WWOX: variants seen among roughly 807,000 people sequenced by gnomAD.
The protein encoded by WWOX is WW domain containing oxidoreductase.
A neutral mutation model predicts 46.2 loss-of-function variants in WWOX; 69 were observed. The ratio of observed to expected loss-of-function variants is 1.49; its 90% confidence interval spans 1.23 to 1.82. The LOEUF (loss-of-function observed/expected upper bound fraction) is 1.82. Among genes scored for constraint, WWOX ranks in the 40% most tolerant of loss-of-function variants. The probability of loss-of-function intolerance (pLI) is 0.00; values close to 1 mark genes in which losing one functional copy is unlikely to be tolerated. For missense variants in WWOX, 919 were observed against 542.6 expected (o/e 1.69, Z -6.89); for synonymous variants, 359 against 202.6 (o/e 1.77, Z -6.56).
At chr16:79,121,802 GC>G (rs1469447536) in intron 8 of WWOX, among the ~76,000 whole-genome samples, 1 of 152,060 alleles carries the variant, frequency 6.6e-6, no homozygotes, top group East Asian at 1.9e-4. Context: ...TTTAAAAGTG[GC>G]CACTCATCCC....
chr16:78,313,430 G>A (rs181863797), intron 5 of WWOX, among the ~76,000 whole-genome samples: 1 of 152,156 alleles, frequency 6.6e-6, no homozygotes, highest in African/African-American at 2.4e-5. Flanking sequence ...ACAGTGGTAC[G>A]ATCTTAGCTC....
intron 8 of WWOX, among the ~76,000 whole-genome samples, chr16:79,191,116 C>A (rs768267077): frequency 6.6e-6 from 1 of 152,134 alleles, no homozygotes; most frequent in African/African-American, 2.4e-5. Flanking sequence ...TGCAGTGGCA[C>A]AACCTTGGCT....
chr16:78,167,394 C>T (rs1443512993), intron 5 of WWOX: 1 of 152,170 alleles, frequency 6.6e-6, no homozygotes, highest in Non-Finnish European at 1.5e-5. Context: ...GAGTCAATTT[C>T]CGATGATAGA....
chr16:78,983,474 G>A (rs1299848879), intron 8 of WWOX, among the ~76,000 whole-genome samples: 1 of 152,150 alleles, frequency 6.6e-6, no homozygotes, highest in Non-Finnish European at 1.5e-5. Flanking sequence ...TTTTCTAATA[G>A]GAAAGACCAT....
chr16:78,547,346 G>A (rs1178718713), intron 8 of WWOX, among the ~76,000 whole-genome samples: 2 of 152,078 alleles, frequency 1.3e-5, no homozygotes, highest in African/African-American at 2.4e-5. Context: ...TGAAAAAAAT[G>A]AGGGACAGAG....
intron 8 of WWOX, among the ~76,000 whole-genome samples, chr16:79,011,416 A>G (rs2047305092): frequency 6.6e-6 from 1 of 151,428 alleles, no homozygotes; most frequent in South Asian, 2.1e-4. Flanking sequence ...ATTCCCTTGC[A>G]TTTGGTTTTC....
At chr16:78,332,239 T>C (rs1267753049) in intron 5 of WWOX, among the ~76,000 whole-genome samples, 1 of 152,198 alleles carries the variant, frequency 6.6e-6, no homozygotes, top group African/African-American at 2.4e-5. Context: ...AGAGACAGAA[T>C]CCCAGATCCC....
rs1208760857 is a variant in WWOX, at chr16:78,350,284, A to ATT, written c.517-36575_517-36574dup. On this transcript the variant is annotated intron_variant, in intron 5 of 8. Transcript: ENST00000566780. ...TTTGTAAATTTTCTCAAGCTACTTT[A>ATT]TTGATATATAACACAGATACATAAA... is the stretch of plus-strand genomic sequence containing the variant. Among the ~76,000 whole-genome samples, 12 of 121,792 alleles carry ATT rather than the reference A, an allele frequency of 9.9e-5. 3 individuals are homozygous for ATT. Among genetic ancestry groups the ATT allele is most frequent in the Non-Finnish European group, 2.4e-4 (12 of 50,888 alleles). The allele number at this position is 121,792 out of a possible 152,430, so 79.9% of individuals were successfully genotyped here.
chr16:78,825,641 G>T, intron 8 of WWOX: 1 of 518,102 alleles, frequency 1.9e-6, no homozygotes. Flanking sequence ...GCGATGGTGG[G>T]CTGTGGTTCA....
At chr16:78,644,689 C>G (rs966486704) in intron 8 of WWOX, among the ~76,000 whole-genome samples, 1 of 152,194 alleles carries the variant, frequency 6.6e-6, no homozygotes, top group Non-Finnish European at 1.5e-5. Flanking sequence ...TCTGGAACTC[C>G]TGAACTCAAG....
chr16:78,189,015 C>T (rs2035797743), intron 5 of WWOX, among the ~76,000 whole-genome samples: 2 of 152,084 alleles, frequency 1.3e-5, no homozygotes, highest in African/African-American at 2.4e-5. Flanking sequence ...TTTGGAGGTG[C>T]AGGCAGAGTC....
intron 5 of WWOX, among the ~76,000 whole-genome samples, chr16:78,218,189 G>C (rs1312701107): frequency 6.6e-6 from 1 of 152,112 alleles, no homozygotes; most frequent in Non-Finnish European, 1.5e-5. Flanking sequence ...CGAGTAGCTT[G>C]TACTGCAGAT....
chr16:78,810,816 C>G (rs1597651727), intron 8 of WWOX, among the ~76,000 whole-genome samples: 1 of 152,126 alleles, frequency 6.6e-6, no homozygotes, highest in African/African-American at 2.4e-5. Context: ...AAAAAACTCC[C>G]TAAAAAAGAC....
intron 5 of WWOX, among the ~76,000 whole-genome samples, chr16:78,227,098 C>T (rs140346814): frequency 6.6e-6 from 1 of 152,186 alleles, no homozygotes; most frequent in African/African-American, 2.4e-5. Flanking sequence ...TTCATCTGTG[C>T]TTGCAATCAC....
intron 3 of WWOX, 96 bp from the exon 4 acceptor site, chr16:78,114,880 T>A (rs2151674390): frequency 1.3e-6 from 2 of 1,518,274 alleles, no homozygotes; most frequent in Middle Eastern, 2.2e-4. Flanking sequence ...CATTTTGGTC[T>A]ATGAAAAATG....
chr16:78,320,948 T>C, intron 5 of WWOX, among the ~76,000 whole-genome samples: 1 of 152,172 alleles, frequency 6.6e-6, no homozygotes, highest in Non-Finnish European at 1.5e-5. Context: ...GATTTTAGGT[T>C]AATTGTCTTG....
intron 5 of WWOX, among the ~76,000 whole-genome samples, chr16:78,291,172 A>G (rs1009402773): frequency 6.6e-6 from 1 of 152,204 alleles, no homozygotes; most frequent in Non-Finnish European, 1.5e-5. Flanking sequence ...GGAAGTTGAG[A>G]TGACATATTT....
chr16:78,123,597 C>T (rs1393796908), intron 4 of WWOX: 1 of 150,828 alleles, frequency 6.6e-6, no homozygotes, highest in African/African-American at 2.4e-5. Flanking sequence ...AGCTGGGAGT[C>T]CAGGCACCTG....
At chr16:78,847,942 C>G (rs552174191) in intron 8 of WWOX, among the ~76,000 whole-genome samples, 1 of 152,114 alleles carries the variant, frequency 6.6e-6, no homozygotes, top group Non-Finnish European at 1.5e-5. Context: ...ACTGCACGAA[C>G]AACCCTGAGC....
Sources: gnomAD v4.1 joint callset for allele counts (sites outside exome capture counted in the v4.1 genomes callset) on GRCh38, gnomAD v4.1.1 for gene constraint, MANE v1.5 for transcripts, NCBI Gene and HGNC (gene_info 2026-07-23, HGNC 2026-07-21) for gene names.